The following TUBD1 variants were observed in gnomAD, a reference collection of about 807,000 sequenced individuals.
TUBD1 encodes the protein tubulin delta chain.
In TUBD1, 38 loss-of-function variants were observed where a neutral mutation model predicts 51.2. That is an observed-to-expected ratio of 0.74 (90% confidence interval 0.57 to 0.97). The LOEUF is 0.97. TUBD1 is among the 50% of genes least tolerant of loss of function. The probability of loss-of-function intolerance (pLI) is 0.00; values close to 1 mark genes in which losing one functional copy is unlikely to be tolerated. For synonymous variants in TUBD1, 169 were observed against 178.2 expected, an observed-to-expected ratio of 0.95 and a Z score of 0.41; for missense variants, 489 against 538.4, an observed-to-expected ratio of 0.91 and a Z score of 0.91.
intron 8 of TUBD1, among the ~76,000 whole-genome samples, chr17:59,861,989 C>T (rs1355614334): frequency 6.6e-6 from 1 of 150,950 alleles, no homozygotes; most frequent in African/African-American, 2.4e-5. Flanking sequence ...ATGGAATGGT[C>T]ACATGCAGGA....
chr17:59,891,492 G>T (rs892527799), intron 1 of TUBD1, among the ~76,000 whole-genome samples: 3 of 152,132 alleles, frequency 2.0e-5, no homozygotes, highest in Non-Finnish European at 4.4e-5. Flanking sequence ...GAACAGCTGT[G>T]TTGTCTAAGG....
chr17:59,879,299 C>T (rs1277711543), intron 4 of TUBD1, among the ~76,000 whole-genome samples: 2 of 148,244 alleles, frequency 1.3e-5, no homozygotes, highest in Admixed American at 6.7e-5. Context: ...AAGAAATTTT[C>T]TCCCAATGGA....
rs750457639 is a variant in TUBD1 at position 59,860,012 on chromosome 17, ATTTT to A, written c.*306_*309del. ...TTTAACAGAATGGAACTTTGAAAAC[ATTTT>A]TTTTTTTTTTTTTTTTTGAGACGGA... On this transcript the variant is annotated 3_prime_UTR_variant, in exon 9 of 9. Coordinates refer to ENST00000325752, the MANE Select transcript of TUBD1 (RefSeq NM_016261.4). 7 of 125,490 alleles carry A rather than the reference ATTTT, an allele frequency of 5.6e-5. No homozygotes were observed. The South Asian group carries it at 6.0e-4, about 11-fold the overall frequency. The allele number at this position is 125,490 out of a possible 1,614,324, so 7.8% of individuals were successfully genotyped here. A position where few individuals can be genotyped will look rare whatever the true frequency, so the allele number is the denominator to read the frequency against.
intron 5 of TUBD1, among the ~76,000 whole-genome samples, chr17:59,877,078 T>A (rs1341375086): frequency 6.6e-6 from 1 of 152,022 alleles, no homozygotes. Context: ...CAGGCTGGTC[T>A]CAAACTTCTG....
At chr17:59,863,436 C>T (rs2039553025) in intron 8 of TUBD1, among the ~76,000 whole-genome samples, 2 of 152,032 alleles carry the variant, frequency 1.3e-5, no homozygotes, top group Non-Finnish European at 2.9e-5. Flanking sequence ...TGGTGAAACC[C>T]TGCCTCTACT....
chr17:59,873,661 G>C (rs954861857), intron 6 of TUBD1, among the ~76,000 whole-genome samples: 1 of 151,900 alleles, frequency 6.6e-6, no homozygotes, highest in Non-Finnish European at 1.5e-5. Context: ...TCAGGAGTTC[G>C]AGACCAGCCT....
intron 6 of TUBD1, among the ~76,000 whole-genome samples, chr17:59,868,904 A>C (rs1176605045): frequency 6.6e-6 from 1 of 151,596 alleles, no homozygotes; most frequent in Non-Finnish European, 1.5e-5. Flanking sequence ...CTGTAGTCCT[A>C]GCTATAGGAA....
chr17:59,880,868 A>G (rs1346409727), intron 4 of TUBD1, 26 bp downstream of exon 4: 1 of 1,588,254 alleles, frequency 6.3e-7, no homozygotes, highest in African/African-American at 1.3e-5. Flanking sequence ...CATAAAACAT[A>G]AACTTTTCAA....
intron 2 of TUBD1, among the ~76,000 whole-genome samples, chr17:59,889,288 A>G (rs2040876833): frequency 6.7e-6 from 1 of 150,324 alleles, no homozygotes; most frequent in Non-Finnish European, 1.5e-5. Flanking sequence ...TGCTGGGATT[A>G]TAGGCGTGAG....
At chr17:59,871,975 A>G (rs2040001137) in intron 6 of TUBD1, among the ~76,000 whole-genome samples, 1 of 149,738 alleles carries the variant, frequency 6.7e-6, no homozygotes, top group Admixed American at 6.7e-5. Flanking sequence ...TTTTTTTGAG[A>G]CAGAGTCTCG....
chr17:59,864,278 T>C (rs2039599770), intron 7 of TUBD1, among the ~76,000 whole-genome samples: 1 of 151,774 alleles, frequency 6.6e-6, no homozygotes, highest in Non-Finnish European at 1.5e-5. Flanking sequence ...CCTGAGTAGC[T>C]GGGATTACAG....
At chr17:59,889,352 A>G (rs2040879948) in intron 2 of TUBD1, among the ~76,000 whole-genome samples, 1 of 151,210 alleles carries the variant, frequency 6.6e-6, no homozygotes, top group African/African-American at 2.4e-5. Context: ...CAAACGCAGT[A>G]GAGGAGTAAA....
chr17:59,879,789 T>C (rs913546362), intron 4 of TUBD1, among the ~76,000 whole-genome samples: 1 of 151,716 alleles, frequency 6.6e-6, no homozygotes, highest in African/African-American at 2.4e-5. Context: ...GTCTTGCTCT[T>C]GTTGCCCAGG....
intron 4 of TUBD1, among the ~76,000 whole-genome samples, chr17:59,880,659 C>T (rs1399538876): frequency 2.6e-5 from 4 of 151,704 alleles, no homozygotes; most frequent in Non-Finnish European, 4.4e-5. Context: ...GGACTAGAGG[C>T]GCCCGCCACC....
At chr17:59,874,854 C>T in intron 5 of TUBD1, 151 bp from the exon 6 acceptor site, 1 of 631,316 alleles carries the variant, frequency 1.6e-6, no homozygotes, top group Non-Finnish European at 2.6e-6. Flanking sequence ...AATACAATTT[C>T]AGAGACAATG....
At chr17:59,882,530 G>C (rs917779877) in intron 3 of TUBD1, among the ~76,000 whole-genome samples, 7 of 151,840 alleles carry the variant, frequency 4.6e-5, no homozygotes, top group African/African-American at 1.7e-4. Flanking sequence ...CAAATGATCT[G>C]CCCACTTCAG....
At chr17:59,881,141 C>T (rs1012141668) in intron 3 of TUBD1, 31 bp from the exon 4 acceptor site, 5 of 1,528,138 alleles carry the variant, frequency 3.3e-6, no homozygotes, top group Non-Finnish European at 4.5e-6. Context: ...CAAACACAAA[C>T]ACTTTTCAAT....
At chr17:59,863,161 C>T (rs975561171) in intron 8 of TUBD1, among the ~76,000 whole-genome samples, 5 of 152,172 alleles carry the variant, frequency 3.3e-5, no homozygotes, top group African/African-American at 7.2e-5. Flanking sequence ...ATCTAATCCT[C>T]GTGAGAAATG....
intron 7 of TUBD1, among the ~76,000 whole-genome samples, chr17:59,866,236 T>TA (rs1344385417): frequency 6.6e-6 from 1 of 150,504 alleles, no homozygotes; most frequent in Non-Finnish European, 1.5e-5. Context: ...CAATTCTTTT[T>TA]TTTTTTTTTT....
Sources: gnomAD v4.1 joint callset for allele counts (sites outside exome capture counted in the v4.1 genomes callset) on GRCh38, gnomAD v4.1.1 for gene constraint, MANE v1.5 for transcripts, NCBI Gene and HGNC (gene_info 2026-07-23, HGNC 2026-07-21) for gene names.